Variants in C10orf67 observed in about 807,000 individuals in gnomAD.
C10orf67 encodes chromosome 10 open reading frame 67.
A neutral mutation model predicts 35.6 loss-of-function variants in C10orf67; 60 were observed. The ratio of observed to expected loss-of-function variants is 1.68; its 90% CI spans 1.37 to 2.09. The LOEUF is 2.09. Ranked by LOEUF, C10orf67 falls within the 30% of genes most tolerant of loss-of-function variation. The pLI, the probability that C10orf67 is intolerant of heterozygous loss-of-function variation, is 0.00. For missense variants in C10orf67, 474 were observed against 330.2 expected (o/e 1.44, Z -3.38); for synonymous variants, 167 against 115.8 (o/e 1.44, Z -2.84).
chr10:23,229,498 G>A (rs1336163054), intron 13 of C10orf67, among the ~76,000 whole-genome samples: 1 of 151,586 alleles, frequency 6.6e-6, no homozygotes, highest in Non-Finnish European at 1.5e-5. Context: ...TGAGTTAACG[G>A]GTGCAGCACA....
At chr10:23,228,761 A>G (rs1291320284) in intron 13 of C10orf67, among the ~76,000 whole-genome samples, 1 of 152,206 alleles carries the variant, frequency 6.6e-6, no homozygotes, top group Non-Finnish European at 1.5e-5. Context: ...AACCCCATCA[A>G]AAAGTGGGTG....
At chr10:23,270,169 T>C (rs1252921650) in intron 8 of C10orf67, among the ~76,000 whole-genome samples, 2 of 152,148 alleles carry the variant, frequency 1.3e-5, no homozygotes, top group Non-Finnish European at 2.9e-5. Context: ...CACCTTCAAC[T>C]GAAATATCCA....
At chr10:23,330,168 A>G (rs1308140470) in intron 2 of C10orf67, among the ~76,000 whole-genome samples, 1 of 152,232 alleles carries the variant, frequency 6.6e-6, no homozygotes, top group African/African-American at 2.4e-5. Context: ...ATAACAAAAA[A>G]TCCAAATAGC....
intron 13 of C10orf67, among the ~76,000 whole-genome samples, chr10:23,236,903 T>C (rs1371451161): frequency 6.6e-6 from 1 of 152,044 alleles, no homozygotes; most frequent in Non-Finnish European, 1.5e-5. Flanking sequence ...ACAACTTTTA[T>C]TTTAGGTTTA....
intron 7 of C10orf67, among the ~76,000 whole-genome samples, chr10:23,288,383 A>G (rs901568132): frequency 6.6e-6 from 1 of 152,102 alleles, no homozygotes; most frequent in Non-Finnish European, 1.5e-5. Flanking sequence ...AAAACCAAAC[A>G]CCGCATGTTC....
chr10:23,277,465 A>G (rs1185473073), intron 8 of C10orf67, among the ~76,000 whole-genome samples: 1 of 151,972 alleles, frequency 6.6e-6, no homozygotes, highest in Non-Finnish European at 1.5e-5. Flanking sequence ...AGGCAGGAGA[A>G]TAACCTGAGC....
At chr10:23,319,617 C>T (rs1029520128) in intron 4 of C10orf67, among the ~76,000 whole-genome samples, 1 of 152,218 alleles carries the variant, frequency 6.6e-6, no homozygotes, top group Non-Finnish European at 1.5e-5. Context: ...AATTTACATT[C>T]CCATCAGCAG....
chr10:23,225,812 A>C (rs557771119), intron 13 of C10orf67, among the ~76,000 whole-genome samples: 1 of 152,326 alleles, frequency 6.6e-6, no homozygotes, highest in African/African-American at 2.4e-5. Context: ...TTCAACGAGA[A>C]GAGCTAGCTA....
At chr10:23,242,175 T>TTG (rs1346834303) in intron 12 of C10orf67, among the ~76,000 whole-genome samples, 1 of 152,098 alleles carries the variant, frequency 6.6e-6, no homozygotes, top group Admixed American at 6.5e-5. Context: ...TTTCACTGTG[T>TTG]TGTGAGGCTG....
chr10:23,284,892 C>G (rs1843487114), intron 7 of C10orf67, among the ~76,000 whole-genome samples: 1 of 152,100 alleles, frequency 6.6e-6, no homozygotes, highest in African/African-American at 2.4e-5. Context: ...TTGGTCTATC[C>G]CTGTAGACTT....
At chr10:23,228,794 C>T (rs562471913) in intron 13 of C10orf67, among the ~76,000 whole-genome samples, 2 of 152,212 alleles carry the variant, frequency 1.3e-5, no homozygotes, top group East Asian at 1.9e-4. Flanking sequence ...AGACACTTCT[C>T]GAAAGAAGAC....
chr10:23,302,835 C>T (rs1844131113), intron 5 of C10orf67, among the ~76,000 whole-genome samples: 1 of 152,178 alleles, frequency 6.6e-6, no homozygotes, highest in South Asian at 2.1e-4. Flanking sequence ...ACAGGAAAAA[C>T]TGAGGGGAAA....
chr10:23,318,850 T>C (rs1844836638), intron 4 of C10orf67: 1 of 770,234 alleles, frequency 1.3e-6, no homozygotes, highest in Non-Finnish European at 2.4e-6. Flanking sequence ...AGGACCCCTC[T>C]GCTTCTTATC....
At chr10:23,296,460 G>A (rs993612855) in intron 5 of C10orf67, among the ~76,000 whole-genome samples, 5 of 152,072 alleles carry the variant, frequency 3.3e-5, no homozygotes, top group Admixed American at 6.6e-5. Context: ...AGGTGGAAGC[G>A]GTCACCTTCC....
intron 5 of C10orf67, among the ~76,000 whole-genome samples, chr10:23,298,115 C>T (rs879289023): frequency 9.9e-5 from 15 of 152,116 alleles, no homozygotes; most frequent in South Asian, 2.1e-4. Context: ...ATCAGCCAGG[C>T]GTGGTGGTGT....
chr10:23,316,194 A>G (rs866313961), intron 4 of C10orf67, among the ~76,000 whole-genome samples: 2 of 152,362 alleles, frequency 1.3e-5, no homozygotes, highest in Middle Eastern at 3.4e-3. Context: ...GGGTCCAGCC[A>G]CTACACACAG....
intron 2 of C10orf67, among the ~76,000 whole-genome samples, chr10:23,329,120 A>T (rs949493390): frequency 2.0e-5 from 3 of 151,954 alleles, no homozygotes; most frequent in African/African-American, 7.2e-5. Flanking sequence ...AAGATACAAT[A>T]TAGAGGATTA....
intron 1 of C10orf67, among the ~76,000 whole-genome samples, chr10:23,339,458 CG>C (rs1326308399): frequency 2.7e-5 from 4 of 145,698 alleles, no homozygotes; most frequent in Admixed American, 6.9e-5. Flanking sequence ...CTTCCAGGAA[CG>C]AACATTTGGA....
chr10:23,323,457 A>G (rs1845037703), intron 2 of C10orf67, among the ~76,000 whole-genome samples: 1 of 152,118 alleles, frequency 6.6e-6, no homozygotes, highest in African/African-American at 2.4e-5. Context: ...CCAGCTCTTC[A>G]AAAACTTAAA....
Sources: gnomAD v4.1 joint callset for allele counts (sites outside exome capture counted in the v4.1 genomes callset) on GRCh38, gnomAD v4.1.1 for gene constraint, MANE v1.5 for transcripts, NCBI Gene and HGNC (gene_info 2026-07-23, HGNC 2026-07-21) for gene names.